The following PCDH19 variants were observed in gnomAD, a reference collection of about 807,000 sequenced individuals.
PCDH19 encodes protocadherin 19.
A neutral mutation model predicts 46.2 loss-of-function variants in PCDH19; 6 were observed. The observed-to-expected ratio is 0.13, with a 90% confidence interval of 0.07 to 0.26. The LOEUF is 0.26. Among genes scored for constraint, PCDH19 ranks in the 10% least tolerant of loss-of-function variants. PCDH19 has a pLI of 1.00. For synonymous variants in PCDH19, 481 were observed against 415.7 expected, an observed-to-expected ratio of 1.16 and a Z score of -1.91; for missense variants, 740 against 972.3, an observed-to-expected ratio of 0.76 and a Z score of 3.18.
intron 5 of PCDH19, among the ~76,000 whole-genome samples, chrX:100,330,133 T>C (rs780589911): frequency 8.9e-6 from 1 of 111,960 alleles, no homozygotes; most frequent in Non-Finnish European, 1.9e-5. Flanking sequence ...AAACAATTCT[T>C]TTGGTTCACC....
chrX:100,321,934 C>T (rs1319753438), intron 5 of PCDH19, among the ~76,000 whole-genome samples: 2 of 107,649 alleles, frequency 1.9e-5, no homozygotes, highest in Non-Finnish European at 3.8e-5. Context: ...GGACTACAGG[C>T]GCCCGCCACC....
intron 3 of PCDH19, among the ~76,000 whole-genome samples, chrX:100,390,438 T>A (rs1338181268): frequency 2.7e-5 from 3 of 111,429 alleles, no homozygotes; most frequent in African/African-American, 9.8e-5. Context: ...CCTGACACTA[T>A]CCAAAAGAAA....
chrX:100,322,865 A>ATATATATATATATTTTTTTT, intron 5 of PCDH19, among the ~76,000 whole-genome samples: 9 of 54,410 alleles, frequency 1.7e-4, no homozygotes, highest in African/African-American at 5.9e-4. Context: ...ATATATATAT[A>ATATATATATATATTTTTTTT]TTTTTGCAGC....
intron 3 of PCDH19, among the ~76,000 whole-genome samples, chrX:100,353,078 A>C (rs1926615845): frequency 8.9e-6 from 1 of 111,916 alleles, no homozygotes; most frequent in Admixed American, 9.5e-5. Flanking sequence ...TATCAGACCC[A>C]TGACAGGAAT....
chrX:100,353,168 C>A (rs747609915), intron 3 of PCDH19, among the ~76,000 whole-genome samples: 23 of 111,775 alleles, frequency 2.1e-4, no homozygotes, highest in South Asian at 3.8e-4. Context: ...CTCATTCAGG[C>A]AATAAAATAG....
chrX:100,341,500 A>T (rs1188398117), intron 5 of PCDH19, among the ~76,000 whole-genome samples: 2 of 111,788 alleles, frequency 1.8e-5, no homozygotes, highest in Non-Finnish European at 3.8e-5. Context: ...GGGAAATAAA[A>T]CCCACCCCTT....
intron 5 of PCDH19, among the ~76,000 whole-genome samples, chrX:100,329,402 T>G (rs1165567017): frequency 8.9e-6 from 1 of 111,741 alleles, no homozygotes; most frequent in Non-Finnish European, 1.9e-5. Flanking sequence ...TCACAGATAG[T>G]CACTAAACTT....
intron 5 of PCDH19, among the ~76,000 whole-genome samples, chrX:100,324,330 T>C (rs985145490): frequency 3.6e-5 from 4 of 111,831 alleles, no homozygotes; most frequent in African/African-American, 9.8e-5. Context: ...CTTCGTGGCA[T>C]TGCCATTGAA....
chrX:100,336,471 A>G (rs1352183622), intron 5 of PCDH19, among the ~76,000 whole-genome samples: 1 of 112,122 alleles, frequency 8.9e-6, no homozygotes, highest in Non-Finnish European at 1.9e-5. Flanking sequence ...ATTTGTTAAC[A>G]GCAGTTGCAT....
In PCDH19 at chrX:100,295,836, G is replaced by A. The variant is rs1478421315; in HGVS notation, c.*441C>T. Reference sequence around the variant, plus strand: ...AATCAATGAATAGTACACAATAAATGACCATTAACTTGTCTACACTACAAA... The same window carrying A: ...AATCAATGAATAGTACACAATAAATAACCATTAACTTGTCTACACTACAAA... On this transcript the variant is annotated 3_prime_UTR_variant, in exon 6 of 6. Transcript: ENST00000373034. 4 of 132,251 alleles carry A rather than the reference G, an allele frequency of 3.0e-5. No individual in the cohort carries two copies. Among genetic ancestry groups the A allele is most frequent in the Non-Finnish European group, 6.0e-5 (4 of 66,411 alleles). 10.9% of individuals were successfully genotyped at this position (132,251 alleles called of 1,213,427 possible).
chrX:100,322,003 A>T (rs1320724205), intron 5 of PCDH19, among the ~76,000 whole-genome samples: 2 of 108,230 alleles, frequency 1.8e-5, no homozygotes, highest in African/African-American at 6.8e-5. Context: ...GTCAGCCAGG[A>T]TGGTCTCGAT....
At chrX:100,306,660 A>C (rs760769186) in intron 5 of PCDH19, among the ~76,000 whole-genome samples, 1 of 111,152 alleles carries the variant, frequency 9.0e-6, no homozygotes, top group Admixed American at 9.6e-5. Context: ...AAAAATGATT[A>C]ACCAAGATTA....
Position 100,295,189 on chromosome X carries a change from C to G in PCDH19, c.*1088G>C, listed in dbSNP as rs1924556526. The G allele has an allele frequency of 8.9e-6, 1 of 112,265 alleles. No homozygotes were observed. The highest frequency in any genetic ancestry group is 3.2e-5 in the African/African-American group (1 of 30,795). 9.3% of individuals were successfully genotyped at this position (112,265 alleles called of 1,213,427 possible). ...TAATTCTAATCATGATTGGGAAACA[C>G]TGAATCAGGAAGTGTGTGTCTGAAG... On this transcript the variant is annotated 3_prime_UTR_variant, in exon 6 of 6. Coordinates refer to ENST00000373034, the MANE Select transcript of PCDH19 (RefSeq NM_001184880.2).
chrX:100,314,185 C>T (rs748623796), intron 5 of PCDH19, among the ~76,000 whole-genome samples: 8 of 111,718 alleles, frequency 7.2e-5, no homozygotes, highest in Non-Finnish European at 1.3e-4. Flanking sequence ...AGTCTAATTC[C>T]TTGTGTGATG....
intron 3 of PCDH19, among the ~76,000 whole-genome samples, chrX:100,374,177 T>C (rs1048298602): frequency 2.7e-5 from 3 of 112,707 alleles, no homozygotes; most frequent in African/African-American, 9.7e-5. Context: ...AGTTATTAAT[T>C]ACCCTAATTA....
chrX:100,339,644 G>C (rs1926195230), intron 5 of PCDH19, among the ~76,000 whole-genome samples: 1 of 112,290 alleles, frequency 8.9e-6, no homozygotes, highest in Admixed American at 9.5e-5. Flanking sequence ...TGGCAAGCCT[G>C]AAGTTGCTAT....
At chrX:100,342,487 T>C (rs1926280619) in intron 4 of PCDH19, among the ~76,000 whole-genome samples, 1 of 112,152 alleles carries the variant, frequency 8.9e-6, no homozygotes, top group African/African-American at 3.2e-5. Context: ...TAATTAACTG[T>C]TGAAATCATC....
chrX:100,301,382 C>T (rs921869878), intron 5 of PCDH19, among the ~76,000 whole-genome samples: 36 of 111,950 alleles, frequency 3.2e-4, no homozygotes, highest in African/African-American at 1.2e-3. Flanking sequence ...AGACGAAAAT[C>T]CAGCACTAAA....
intron 3 of PCDH19, among the ~76,000 whole-genome samples, chrX:100,357,245 A>T (rs1403110478): frequency 1.8e-5 from 2 of 111,758 alleles, no homozygotes; most frequent in Non-Finnish European, 3.8e-5. Flanking sequence ...GGAGAATTAC[A>T]CTGCTACTTT....
Sources: allele counts gnomAD v4.1 joint callset (sites outside exome capture counted in the v4.1 genomes callset), GRCh38; gene constraint gnomAD v4.1.1; transcripts MANE v1.5; gene names NCBI Gene and HGNC (gene_info 2026-07-23, HGNC 2026-07-21).